The following CREBBP variants were observed in gnomAD, a reference collection of about 807,000 sequenced individuals.
CREBBP encodes the protein CREB binding lysine acetyltransferase.
A neutral mutation model predicts 265.0 loss-of-function variants in CREBBP; 19 were observed. The ratio of observed to expected loss-of-function variants is 0.07; its 90% confidence interval spans 0.05 to 0.11. The LOEUF (loss-of-function observed/expected upper bound fraction) is 0.11, where lower values mean the gene tolerates loss of function less well. CREBBP is among the 10% of genes least tolerant of loss of function. CREBBP has a pLI of 1.00. For synonymous variants in CREBBP, 1,457 were observed against 1,223.7 expected, an observed-to-expected ratio of 1.19 and a Z score of -3.98; for missense variants, 2,525 against 3,219.0, an observed-to-expected ratio of 0.78 and a Z score of 5.22.
intron 1 of CREBBP, among the ~76,000 whole-genome samples, chr16:3,864,435 A>C (rs993460020): frequency 6.6e-6 from 1 of 152,182 alleles, no homozygotes; most frequent in Non-Finnish European, 1.5e-5. Context: ...GCTTGGGTCC[A>C]GTAGTTCAAG....
intron 14 of CREBBP, 141 bp downstream of exon 14, chr16:3,770,429 C>G: frequency 1.0e-6 from 1 of 979,388 alleles, no homozygotes; most frequent in Non-Finnish European, 1.6e-6. Context: ...CTCATGGGCT[C>G]AAGTGATTCT....
At chr16:3,774,328 T>TC (rs1217960391) in intron 12 of CREBBP, among the ~76,000 whole-genome samples, 5 of 152,216 alleles carry the variant, frequency 3.3e-5, no homozygotes, top group African/African-American at 9.6e-5. Context: ...GCCTTGGAAC[T>TC]CCCACATTCT....
intron 28 of CREBBP, among the ~76,000 whole-genome samples, chr16:3,734,074 T>C (rs1407547971): frequency 1.3e-5 from 2 of 152,230 alleles, no homozygotes; most frequent in Non-Finnish European, 2.9e-5. Flanking sequence ...GAGCTTTCCC[T>C]GGGCACATTT....
chr16:3,838,100 C>T (rs962724416), intron 2 of CREBBP, among the ~76,000 whole-genome samples: 1 of 152,176 alleles, frequency 6.6e-6, no homozygotes, highest in Middle Eastern at 3.2e-3. Flanking sequence ...TCCTAAAGTG[C>T]TGGGATTGCA....
chr16:3,736,500 T>A, intron 27 of CREBBP, 150 bp downstream of exon 27: 1 of 1,189,916 alleles, frequency 8.4e-7, no homozygotes, highest in Non-Finnish European at 1.2e-6. Flanking sequence ...AGAAAATGCT[T>A]CTAAGTTCTC....
intron 13 of CREBBP, 84 bp downstream of exon 13, chr16:3,773,667 C>A: frequency 7.1e-7 from 1 of 1,414,310 alleles, no homozygotes; most frequent in South Asian, 1.2e-5. Flanking sequence ...TTAATTTCCA[C>A]GAAGGAAGAC....
intron 21 of CREBBP, among the ~76,000 whole-genome samples, chr16:3,748,435 A>G (rs2052397825): frequency 6.6e-6 from 1 of 152,274 alleles, no homozygotes; most frequent in Non-Finnish European, 1.5e-5. Context: ...CATCTCGCCA[A>G]GACTACAGCT....
At chr16:3,757,076 T>A (rs1306063153) in intron 19 of CREBBP, among the ~76,000 whole-genome samples, 1 of 152,172 alleles carries the variant, frequency 6.6e-6, no homozygotes, top group Non-Finnish European at 1.5e-5. Context: ...TTTCTCTATG[T>A]CGCCAAGGCT....
intron 3 of CREBBP, among the ~76,000 whole-genome samples, chr16:3,800,777 C>T (rs970764956): frequency 6.6e-6 from 1 of 152,060 alleles, no homozygotes; most frequent in Non-Finnish European, 1.5e-5. Context: ...GAACAAAAGC[C>T]CCATGGGCGA....
At position 3,793,493 on chromosome 16, in the gene CREBBP, C is replaced by A. The variant is rs1179677806; in HGVS notation, c.1109G>T (p.Arg370Leu). Residue 370 changes from arginine (R) to leucine (L), a missense_variant, in exon 4 of 31, where the codon CGA (arginine) becomes CTA (leucine). By Grantham distance (102) the Arg-to-Leu change is moderately radical. This residue lies in a region of CREBBP where 126 missense variants were observed against 171.9 expected (regional missense o/e 0.73). Coordinates refer to ENST00000262367, the MANE Select transcript of CREBBP (RefSeq NM_004380.3). ...CCGAACCTCTCCGTTTGCTTGCTCT[C>A]GTCTCTGACACTTATGAGCATGAAG... ...LLLHAHKCQR[R>L]EQANGEVRAC... 2 of 1,614,036 alleles carry A rather than the reference C, an allele frequency of 1.2e-6. No individual in the cohort carries two copies. Among genetic ancestry groups the A allele is most frequent in the Non-Finnish European group, 8.5e-7 (1 of 1,180,040 alleles).
intron 26 of CREBBP, among the ~76,000 whole-genome samples, chr16:3,737,830 A>C (rs1439437906): frequency 6.6e-6 from 1 of 151,176 alleles, no homozygotes. Flanking sequence ...TCTGTCGCCC[A>C]GGCTGGAGTG....
chr16:3,852,508 C>G (rs1437942017), intron 1 of CREBBP, among the ~76,000 whole-genome samples: 2 of 152,112 alleles, frequency 1.3e-5, no homozygotes, highest in Non-Finnish European at 2.9e-5. Context: ...AAGAAGTAAA[C>G]TAGCTTTAAC....
rs2141182295 is a variant in CREBBP at position 3,767,795 on chromosome 16, C to G, written c.3175G>C (p.Val1059Leu). 6.2e-7 allele frequency: 1 copy of G among 1,614,208 alleles called. No individual in the cohort carries two copies. The change falls in exon 16 of 31, where the codon GTT becomes CTT. Residue 1059 changes from valine (V) to leucine (L), a missense_variant. Physicochemically the swap from Val to Leu is conservative, Grantham distance 32. Around this residue, in one of 19 missense-constraint regions of CREBBP, gnomAD observed 548 missense variants for 533.0 expected, o/e 1.03. Coordinates refer to ENST00000262367, the MANE Select transcript of CREBBP (RefSeq NM_004380.3). ...DEKKPEVKVE[V>L]KEEEESSSNG... ...CTGCTACTCTCTTCTTCCTCTTTAA[C>G]TTCTACTTTCACTTCAGGTTTCTTT... is the stretch of plus-strand genomic sequence containing the variant.
At chr16:3,853,576 C>T in intron 1 of CREBBP, among the ~76,000 whole-genome samples, 1 of 151,996 alleles carries the variant, frequency 6.6e-6, no homozygotes, top group East Asian at 1.9e-4. Context: ...CGCCACTGCA[C>T]TCCAGCCTGG....
rs1308284050 is a variant in CREBBP, at chr16:3,880,416, C to G, written c.-500G>C. On this transcript the variant is annotated 5_prime_UTR_variant, in exon 1 of 31. Coordinates refer to ENST00000262367, the MANE Select transcript of CREBBP (RefSeq NM_004380.3). ...CCCGGCCCGCGGCCCGCCGCCGCCG[C>G]CGCCGTGAGGAAAAACAATGCGCCG... 1.4e-5 allele frequency: 2 copies of G among 145,886 alleles called. No individual in the cohort carries two copies. Among genetic ancestry groups the G allele is most frequent in the East Asian group, 2.0e-4 (1 of 4,918 alleles). The allele number at this position is 145,886 out of a possible 1,614,324, so 9.0% of individuals were successfully genotyped here. A position where few individuals can be genotyped will look rare whatever the true frequency, so the allele number is the denominator to read the frequency against.
rs369930675 is a variant in CREBBP, at chr16:3,770,596, C to T, written c.2854G>A (p.Val952Met). The change falls in exon 14 of 31, where the codon GTG becomes ATG. Residue 952 changes from valine to methionine, a missense_variant. By Grantham distance (21) the Val-to-Met change is conservative. Transcript: ENST00000262367. Reference sequence around the variant, plus strand: ...GGTGTGCCAGGAGGCTGGGCGTGCACAGGCGTCGGCTGTTGCTGCGATGAC... The same window carrying T: ...GGTGTGCCAGGAGGCTGGGCGTGCATAGGCGTCGGCTGTTGCTGCGATGAC... Reference protein sequence around the residue: ...PQSSQQQPTPVHAQPPGTPLS... With the variant: ...PQSSQQQPTPMHAQPPGTPLS... 18 of 1,613,498 alleles carry T rather than the reference C, an allele frequency of 1.1e-5. 1 individual carries two copies. The African/African-American group carries it at 1.9e-4, about 17-fold the overall frequency.
At chr16:3,832,640 T>C (rs952890263) in intron 2 of CREBBP, among the ~76,000 whole-genome samples, 4 of 152,220 alleles carry the variant, frequency 2.6e-5, no homozygotes, top group African/African-American at 9.6e-5. Flanking sequence ...TTGTAAGTAT[T>C]TGTGTATCTA....
At chr16:3,863,343 C>A (rs2055114391) in intron 1 of CREBBP, among the ~76,000 whole-genome samples, 1 of 152,148 alleles carries the variant, frequency 6.6e-6, no homozygotes, top group African/African-American at 2.4e-5. Context: ...TAGCTCATGC[C>A]TGTAATTCCA....
rs200287696 is a variant in CREBBP at position 3,731,249 on chromosome 16, G to A, written c.5115C>T (p.Tyr1705=). The change falls in exon 30 of 31, where the codon TAC becomes TAT. Residue 1705 remains tyrosine, a synonymous_variant. Transcript: ENST00000262367. The surrounding 1 kb of genome is among the most constrained non-coding windows in gnomAD (Gnocchi z 7.7). ...LHTQGQDRFV[Y]TCNECKHHVE... ...CGTGGTGCTTGCACTCGTTGCAGGTGTAGACAAAGCGGTCCTGGCCCTGGG... is the reference window on the plus strand; with the variant it reads ...CGTGGTGCTTGCACTCGTTGCAGGTATAGACAAAGCGGTCCTGGCCCTGGG... 1,004 of 1,614,222 alleles carry A rather than the reference G, an allele frequency of 6.2e-4. 14 individuals are homozygous for A. In the South Asian group the frequency reaches 0.01, roughly 17 times the overall value.
Sources: allele counts gnomAD v4.1 joint callset (sites outside exome capture counted in the v4.1 genomes callset), GRCh38; gene constraint gnomAD v4.1.1; regional missense constraint gnomAD v4.1.1; non-coding constraint Gnocchi (gnomAD v3.1); transcripts MANE v1.5; gene names NCBI Gene and HGNC (gene_info 2026-07-23, HGNC 2026-07-21).